Variants in PSMD5 observed in about 807,000 individuals in gnomAD.
PSMD5 encodes the protein proteasome 26S subunit, non-ATPase 5.
PSMD5 carries 40 observed loss-of-function variants against 52.1 expected under a neutral mutation model. The ratio of observed to expected loss-of-function variants is 0.77; its 90% confidence interval spans 0.60 to 1.00. PSMD5 has a LOEUF of 1.00. PSMD5 is among the 50% of genes least tolerant of loss of function. The probability of loss-of-function intolerance (pLI) is 0.00; values close to 1 mark genes in which losing one functional copy is unlikely to be tolerated. For missense variants in PSMD5, 575 were observed against 605.2 expected (o/e 0.95, Z 0.52); for synonymous variants, 211 against 226.6 (o/e 0.93, Z 0.62).
At chr9:120,824,408 G>T in intron 7 of PSMD5, 86 bp downstream of exon 7, 1 of 1,305,630 alleles carries the variant, frequency 7.7e-7, no homozygotes. Context: ...TTTCTACAAT[G>T]TAGTTAACCC....
intron 3 of PSMD5, 129 bp downstream of exon 3, chr9:120,831,703 T>C (rs931984308): frequency 2.9e-6 from 4 of 1,373,240 alleles, no homozygotes; most frequent in Admixed American, 2.6e-5. Context: ...ACAATCCATA[T>C]GAAGTTGTAA....
In PSMD5 at chr9:120,833,492, C is replaced by A. The variant is rs372912375; in HGVS notation, c.174-36G>T. ...CATCATAAATCTTATTAGTTCATAT[C>A]CTGCCCAGGTAGGAAGTAACAACCT... On this transcript the variant is annotated intron_variant, in intron 1 of 9. Transcript: ENST00000210313. 5 of 1,589,510 alleles carry A rather than the reference C, an allele frequency of 3.1e-6. No individual in the cohort carries two copies. The African/African-American group carries it at 6.7e-5, about 21-fold the overall frequency.
At chr9:120,832,381 C>T (rs2045167292) in intron 2 of PSMD5, among the ~76,000 whole-genome samples, 1 of 151,264 alleles carries the variant, frequency 6.6e-6, no homozygotes, top group Non-Finnish European at 1.5e-5. Flanking sequence ...TATCTTCCCC[C>T]TTTCCCCCAA....
intron 1 of PSMD5, among the ~76,000 whole-genome samples, chr9:120,838,048 C>G (rs969263826): frequency 6.6e-6 from 1 of 152,194 alleles, no homozygotes; most frequent in Non-Finnish European, 1.5e-5. Context: ...TCCCTTCCCC[C>G]CATGTCTGGC....
At chr9:120,821,536 C>T (rs2045084659) in intron 7 of PSMD5, 72 bp from the exon 8 acceptor site, 1 of 1,130,772 alleles carries the variant, frequency 8.8e-7, no homozygotes, top group Non-Finnish European at 1.3e-6. Context: ...ACCATTTTAA[C>T]CATTTTTAGT....
Position 120,833,480 on chromosome 9 carries a change from A to G in PSMD5, c.174-24T>C, listed in dbSNP as rs758166361. The G allele has an allele frequency of 2.5e-6, 4 of 1,606,088 alleles. No homozygotes were observed. In the Admixed American group the frequency reaches 5.0e-5, roughly 20 times the overall value. On this transcript the variant is annotated intron_variant, in intron 1 of 9. Transcript: ENST00000210313. ...CCCTGAAGGAGACATCATAAATCTT[A>G]TTAGTTCATATCCTGCCCAGGTAGG...
intron 9 of PSMD5, among the ~76,000 whole-genome samples, chr9:120,818,644 T>C (rs945384466): frequency 6.6e-6 from 1 of 152,046 alleles, no homozygotes; most frequent in Admixed American, 6.6e-5. Context: ...TAAGATACTA[T>C]CTAAATCTTC....
rs200055518 is a variant in PSMD5 at position 120,831,833 on chromosome 9, G to A, written c.431C>T (p.Ala144Val). ...IGGENLSVAKAAIKSLSRISL... is the reference protein window; with the variant it reads ...IGGENLSVAKVAIKSLSRISL... ...AGTCAATGATTCTAGTAGACTCACC[G>A]CTTTTGCTACAGATAGATTCTCTCC... Residue 144 changes from alanine (A) to valine (V), a missense_variant and splice_region_variant, in exon 3 of 10, where the codon GCG becomes GTG. Coordinates refer to ENST00000210313, the MANE Select transcript of PSMD5 (RefSeq NM_005047.4). 111 of 1,611,492 alleles carry A rather than the reference G, an allele frequency of 6.9e-5. No individual in the cohort carries two copies. The East Asian group carries it at 1.9e-3, about 28-fold the overall frequency.
At chr9:120,821,545 G>A (rs1017683820) in intron 7 of PSMD5, 81 bp from the exon 8 acceptor site, 2 of 1,021,452 alleles carry the variant, frequency 2.0e-6, no homozygotes, top group South Asian at 1.8e-5. Context: ...ACCATTTTTA[G>A]TGTATAGTTC....
rs2045142666 is a variant in PSMD5, at chr9:120,829,082, G to A, written c.671+17C>T. 2.6e-6 allele frequency: 4 copies of A among 1,539,522 alleles called. No homozygotes were observed. The highest frequency in any genetic ancestry group is 2.6e-6 in the Non-Finnish European group (3 of 1,142,434). Reference sequence around the variant, plus strand: ...TTCAAAAGAGGATATTTCACTTTAAGAACTCAGTCAACACACCTGACCAAC... The same window carrying A: ...TTCAAAAGAGGATATTTCACTTTAAAAACTCAGTCAACACACCTGACCAAC... On this transcript the variant is annotated intron_variant, in intron 5 of 9. Transcript: ENST00000210313.
intron 6 of PSMD5, among the ~76,000 whole-genome samples, chr9:120,826,005 T>C (rs901373312): frequency 6.7e-6 from 1 of 150,352 alleles, no homozygotes; most frequent in Admixed American, 6.6e-5. Flanking sequence ...TTTTTTTTTT[T>C]TTTTTTTGAG....
chr9:120,827,214 TATC>T (rs1272412870), intron 5 of PSMD5, among the ~76,000 whole-genome samples: 2 of 152,250 alleles, frequency 1.3e-5, no homozygotes, highest in Admixed American at 1.3e-4. Flanking sequence ...TATTTTGAAA[TATC>T]ATACACAAAA....
At position 120,817,391 on chromosome 9, in the gene PSMD5, C is replaced by T. The variant is rs993638576; in HGVS notation, c.*515G>A. 2 of 152,958 alleles carry T rather than the reference C, an allele frequency of 1.3e-5. No homozygotes were observed. Among genetic ancestry groups the T allele is most frequent in the Non-Finnish European group, 2.9e-5 (2 of 68,572 alleles). The allele number at this position is 152,958 out of a possible 1,614,324, so 9.5% of individuals were successfully genotyped here. On this transcript the variant is annotated 3_prime_UTR_variant, in exon 10 of 10. Transcript: ENST00000210313. ...GCTCAAGCGATTCTCGTGCCTCAGC[C>T]TCCTGAGTAGCTGAGATTATAGGTG...
chr9:120,833,245 T>G (rs2045173307), intron 2 of PSMD5, 67 bp downstream of exon 2: 1 of 1,518,020 alleles, frequency 6.6e-7, no homozygotes. Flanking sequence ...TTCTTCATCT[T>G]TCTGTCCCAG....
chr9:120,833,195 GGGAGAAGGAA>G, intron 2 of PSMD5, 107 bp downstream of exon 2: 1 of 1,200,634 alleles, frequency 8.3e-7, no homozygotes, highest in East Asian at 2.4e-5. Flanking sequence ...AGAGGAGAGG[GGGAGAAGGAA>G]GAGGGAAGGA....
At chr9:120,826,973 C>T (rs985746744) in intron 5 of PSMD5, 66 bp from the exon 6 acceptor site, 5 of 1,439,296 alleles carry the variant, frequency 3.5e-6, no homozygotes, top group Admixed American at 2.1e-5. Context: ...ATAAATTGCT[C>T]TCATACAGGT....
chr9:120,824,303 C>CAAA (rs35903891), intron 7 of PSMD5, 191 bp downstream of exon 7: 49 of 453,184 alleles, frequency 1.1e-4, no homozygotes, highest in African/African-American at 2.1e-4. Context: ...AGTGAAAAGT[C>CAAA]AAAAAAAAAA....
At chr9:120,836,213 C>T (rs1338098290) in intron 1 of PSMD5, among the ~76,000 whole-genome samples, 1 of 151,990 alleles carries the variant, frequency 6.6e-6, no homozygotes, top group South Asian at 2.1e-4. Context: ...ATGTATATAC[C>T]CCATTTTGTT....
chr9:120,831,266 CT>C, intron 4 of PSMD5, 64 bp downstream of exon 4: 1 of 1,482,270 alleles, frequency 6.7e-7, no homozygotes. Context: ...AGCCATCTTG[CT>C]TTTCAGCATA....
Sources: gnomAD v4.1 joint callset for allele counts (sites outside exome capture counted in the v4.1 genomes callset) on GRCh38, gnomAD v4.1.1 for gene constraint, MANE v1.5 for transcripts, NCBI Gene and HGNC (gene_info 2026-07-23, HGNC 2026-07-21) for gene names.